Variants in PTPRD observed in about 807,000 individuals in gnomAD.
The protein encoded by PTPRD is receptor-type tyrosine-protein phosphatase delta.
PTPRD carries 34 observed loss-of-function variants against 214.5 expected under a neutral mutation model. The observed-to-expected ratio is 0.16, with a 90% CI of 0.12 to 0.21. PTPRD has a LOEUF of 0.21. Among genes scored for constraint, PTPRD ranks in the 10% least tolerant of loss-of-function variants. The probability of loss-of-function intolerance (pLI) is 1.00; values close to 1 mark genes in which losing one functional copy is unlikely to be tolerated. For synonymous variants in PTPRD, 1,128 were observed against 845.7 expected, an observed-to-expected ratio of 1.33 and a Z score of -5.79; for missense variants, 2,545 against 2,398.7, an observed-to-expected ratio of 1.06 and a Z score of -1.27.
rs2097176939 is a variant in PTPRD at position 9,686,985 on chromosome 9, T to C, written c.-287+47548A>G. The stretch of plus-strand genomic sequence containing the variant: ...CCCTGCCTTGCCAAAGACTTCTACC[T>C]TATTATTACGTTGTGAGCTCATTTA... On this transcript the variant is annotated intron_variant, in intron 7 of 45. Transcript: ENST00000381196. 2.6e-5 allele frequency among the ~76,000 whole-genome samples: 4 copies of C among 151,800 alleles called. No individual in the cohort carries two copies. In the South Asian group the frequency reaches 8.3e-4, roughly 31 times the overall value.
intron 8 of PTPRD, among the ~76,000 whole-genome samples, chr9:9,493,879 C>T (rs1206451850): frequency 6.6e-6 from 1 of 151,438 alleles, no homozygotes; most frequent in African/African-American, 2.4e-5. Context: ...CTCTGATTGA[C>T]CTGGATAAAA....
At chr9:9,939,402 G>C (rs982412617) in intron 4 of PTPRD, among the ~76,000 whole-genome samples, 1 of 151,270 alleles carries the variant, frequency 6.6e-6, no homozygotes, top group African/African-American at 2.4e-5. Flanking sequence ...CTTGTGGCTT[G>C]TGCAGTCTTT....
intron 3 of PTPRD, among the ~76,000 whole-genome samples, chr9:10,215,520 C>T (rs944039977): frequency 6.6e-6 from 1 of 151,954 alleles, no homozygotes; most frequent in Non-Finnish European, 1.5e-5. Flanking sequence ...TTAATTAATA[C>T]AGAACAATAA....
chr9:8,984,365 CG>C (rs1469942280), intron 11 of PTPRD, among the ~76,000 whole-genome samples: 4 of 151,924 alleles, frequency 2.6e-5, no homozygotes, highest in African/African-American at 9.7e-5. Flanking sequence ...TAAATAAGTA[CG>C]ATGAATCTTT....
At chr9:9,668,561 A>G (rs2154384849) in intron 7 of PTPRD, among the ~76,000 whole-genome samples, 1 of 152,286 alleles carries the variant, frequency 6.6e-6, no homozygotes, top group East Asian at 1.9e-4. Context: ...GAAATTATAA[A>G]CTAACTCTTA....
intron 8 of PTPRD, among the ~76,000 whole-genome samples, chr9:9,466,182 G>C (rs1448773438): frequency 6.6e-6 from 1 of 151,994 alleles, no homozygotes; most frequent in African/African-American, 2.4e-5. Context: ...GGTGGCAGGT[G>C]CCCATAGTCC....
intron 14 of PTPRD, among the ~76,000 whole-genome samples, chr9:8,585,015 G>A (rs2093520762): frequency 6.6e-6 from 1 of 152,088 alleles, no homozygotes; most frequent in African/African-American, 2.4e-5. Context: ...ATCTCCCACT[G>A]GTTCCCTCTC....
Position 8,316,613 on chromosome 9 carries a change from C to CTATT in PTPRD, c.*1257_*1260dup, listed in dbSNP as rs1554652549. 4.3e-6 allele frequency: 1 copy of CTATT among 230,650 alleles called. No individual in the cohort carries two copies. The highest frequency in any genetic ancestry group is 6.2e-5 in the East Asian group (1 of 16,256). 14.3% of individuals were successfully genotyped at this position (230,650 alleles called of 1,614,324 possible). On this transcript the variant is annotated 3_prime_UTR_variant, in exon 46 of 46. Coordinates refer to ENST00000381196, the MANE Select transcript of PTPRD (RefSeq NM_002839.4). ...CCTTTCCCACATGCACACCTCTTAG[C>CTATT]TATTTAATAATAATTTTTATTGCAC...
At chr9:10,474,923 T>C (rs2099053258) in intron 2 of PTPRD, among the ~76,000 whole-genome samples, 1 of 152,218 alleles carries the variant, frequency 6.6e-6, no homozygotes, top group South Asian at 2.1e-4. Context: ...ATAATGAAAT[T>C]CTTTGAAAGC....
At chr9:10,033,056 G>C (rs897068348) in intron 4 of PTPRD, among the ~76,000 whole-genome samples, 2 of 151,446 alleles carry the variant, frequency 1.3e-5, no homozygotes, top group African/African-American at 2.4e-5. Context: ...CAACCTGGAT[G>C]CGATAAATAT....
rs369027112 is a variant in PTPRD at position 8,521,265 on chromosome 9, C to T, written c.961+12G>A. On this transcript the variant is annotated intron_variant, in intron 20 of 45. Transcript: ENST00000381196. Reference sequence around the variant, plus strand: ...GTACCCAGATCCTCAAAGCATAATCCATTGAGCATACCTTTGACAGTGATC... The same window carrying T: ...GTACCCAGATCCTCAAAGCATAATCTATTGAGCATACCTTTGACAGTGATC... 1.4e-5 allele frequency: 22 copies of T among 1,604,212 alleles called. No homozygotes were observed. In the African/African-American group the frequency reaches 2.8e-4, roughly 20 times the overall value.
At chr9:10,366,912 A>G (rs1453478484) in intron 2 of PTPRD, among the ~76,000 whole-genome samples, 1 of 152,138 alleles carries the variant, frequency 6.6e-6, no homozygotes, top group East Asian at 1.9e-4. Context: ...TGAAAAGAAC[A>G]CCAGGATAAT....
intron 4 of PTPRD, among the ~76,000 whole-genome samples, chr9:9,994,627 A>G (rs1266298567): frequency 6.6e-6 from 1 of 152,152 alleles, no homozygotes; most frequent in African/African-American, 2.4e-5. Flanking sequence ...ACAGAAAATT[A>G]CAAAAGTAAA....
intron 7 of PTPRD, among the ~76,000 whole-genome samples, chr9:9,669,654 T>G (rs2096789222): frequency 6.6e-6 from 1 of 152,302 alleles, no homozygotes; most frequent in Admixed American, 6.5e-5. Flanking sequence ...TATTTGTCTT[T>G]AATGAATACA....
chr9:8,565,386 T>C (rs1396541617), intron 14 of PTPRD, among the ~76,000 whole-genome samples: 2 of 152,206 alleles, frequency 1.3e-5, no homozygotes, highest in African/African-American at 2.4e-5. Context: ...AAACTATTAA[T>C]TCACTACCCA....
chr9:8,465,969 C>G (rs1388348174), intron 31 of PTPRD, among the ~76,000 whole-genome samples: 1 of 151,836 alleles, frequency 6.6e-6, no homozygotes, highest in Non-Finnish European at 1.5e-5. Flanking sequence ...ATGAAATTCT[C>G]TCAAAGTGCA....
intron 9 of PTPRD, among the ~76,000 whole-genome samples, chr9:9,353,625 TAA>T (rs34921056): frequency 6.8e-6 from 1 of 147,564 alleles, no homozygotes; most frequent in African/African-American, 2.5e-5. Context: ...TTCATGCCTT[TAA>T]AAAAAAAAAT....
chr9:10,505,610 A>T (rs922898637), intron 2 of PTPRD, among the ~76,000 whole-genome samples: 65 of 152,114 alleles, frequency 4.3e-4, no homozygotes, highest in African/African-American at 1.4e-3. Context: ...GTCACCAGGC[A>T]TACCATGGGT....
At chr9:9,195,268 T>C (rs2099937844) in intron 9 of PTPRD, among the ~76,000 whole-genome samples, 1 of 152,052 alleles carries the variant, frequency 6.6e-6, no homozygotes, top group South Asian at 2.1e-4. Flanking sequence ...GCATGCTGTT[T>C]ACATAATTCA....
Sources: gnomAD v4.1 joint callset for allele counts (sites outside exome capture counted in the v4.1 genomes callset) on GRCh38, gnomAD v4.1.1 for gene constraint, MANE v1.5 for transcripts, NCBI Gene and HGNC (gene_info 2026-07-23, HGNC 2026-07-21) for gene names.